Variants in BEND7 observed in about 807,000 individuals in gnomAD.
BEND7 encodes BEN domain-containing protein 7.
In BEND7, 28 loss-of-function variants were observed where a neutral mutation model predicts 50.9. The observed-to-expected ratio is 0.55, with a 90% CI of 0.41 to 0.75. BEND7 has a LOEUF of 0.75. Ranked by LOEUF, BEND7 falls within the 30% of genes least tolerant of loss-of-function variation. BEND7 has a pLI of 0.00. For synonymous variants in BEND7, 170 were observed against 183.9 expected, an observed-to-expected ratio of 0.92 and a Z score of 0.61; for missense variants, 477 against 491.3, an observed-to-expected ratio of 0.97 and a Z score of 0.28.
chr10:13,455,912 C>T (rs7918036), intron 6 of BEND7, among the ~76,000 whole-genome samples: 3,602 of 152,204 alleles, frequency 0.024, 136 homozygotes, highest in African/African-American at 0.082. Flanking sequence ...ACGGCTGCCA[C>T]GCCACAGACA....
chr10:13,488,202 A>G (rs993320150), intron 5 of BEND7, among the ~76,000 whole-genome samples: 6 of 151,972 alleles, frequency 3.9e-5, no homozygotes, highest in African/African-American at 1.4e-4. Context: ...ATTACTGGAG[A>G]CTATTTATAG....
chr10:13,449,167 G>C (rs1214330264), intron 7 of BEND7, among the ~76,000 whole-genome samples: 1 of 152,038 alleles, frequency 6.6e-6, no homozygotes, highest in Admixed American at 6.6e-5. Context: ...ATGGCTTTTA[G>C]AAATTATTTT....
intron 2 of BEND7, among the ~76,000 whole-genome samples, chr10:13,511,571 T>C (rs1029251964): frequency 2.6e-5 from 4 of 152,116 alleles, no homozygotes; most frequent in South Asian, 4.1e-4. Context: ...AGCAGGGAGA[T>C]GCTGGGGTGT....
intron 2 of BEND7, among the ~76,000 whole-genome samples, chr10:13,524,991 C>A (rs7904423): frequency 6.6e-6 from 1 of 152,060 alleles, no homozygotes; most frequent in East Asian, 1.9e-4. Flanking sequence ...GAGATCCTGG[C>A]GAGAGCTTCG....
At chr10:13,470,431 T>C (rs1185081025) in intron 6 of BEND7, among the ~76,000 whole-genome samples, 2 of 152,212 alleles carry the variant, frequency 1.3e-5, no homozygotes, top group African/African-American at 4.8e-5. Flanking sequence ...TTGTCACCCC[T>C]AGTGGTGGTG....
At chr10:13,482,850 A>T (rs1352980466) in intron 5 of BEND7, among the ~76,000 whole-genome samples, 1 of 152,246 alleles carries the variant, frequency 6.6e-6, no homozygotes, top group Non-Finnish European at 1.5e-5. Flanking sequence ...CAGAGGTGGT[A>T]CATACCAGGC....
chr10:13,455,289 G>A (rs1277286191), intron 6 of BEND7, among the ~76,000 whole-genome samples: 2 of 152,126 alleles, frequency 1.3e-5, no homozygotes, highest in East Asian at 1.9e-4. Context: ...GGAACGCCAC[G>A]CTGCCAAGGA....
intron 2 of BEND7, among the ~76,000 whole-genome samples, chr10:13,502,499 A>C (rs1371065175): frequency 1.3e-5 from 2 of 152,218 alleles, no homozygotes; most frequent in African/African-American, 4.8e-5. Flanking sequence ...ATGAACGACC[A>C]AGCGAGATTT....
At chr10:13,497,705 T>C (rs1292197095) in intron 3 of BEND7, among the ~76,000 whole-genome samples, 1 of 152,218 alleles carries the variant, frequency 6.6e-6, no homozygotes, top group East Asian at 1.9e-4. Flanking sequence ...CATTTGGACA[T>C]TGCTCTTACA....
intron 6 of BEND7, among the ~76,000 whole-genome samples, chr10:13,463,363 C>G (rs1187052052): frequency 2.6e-5 from 4 of 152,166 alleles, no homozygotes; most frequent in Admixed American, 6.5e-5. Context: ...GTGCAGAGGG[C>G]ATGACCTATA....
At chr10:13,449,828 A>G (rs544582413) in intron 7 of BEND7, among the ~76,000 whole-genome samples, 40 of 152,384 alleles carry the variant, frequency 2.6e-4, no homozygotes, top group African/African-American at 8.9e-4. Context: ...CGCTAGCTGC[A>G]TGAATAGGGG....
At chr10:13,520,041 G>A (rs182798902) in intron 2 of BEND7, among the ~76,000 whole-genome samples, 129 of 152,286 alleles carry the variant, frequency 8.5e-4, no homozygotes, top group African/African-American at 3.0e-3. Context: ...AGAGAGGAGA[G>A]CGGGGCCTCA....
chr10:13,496,827 T>G lies in BEND7; in HGVS notation c.510A>C (p.Ser170=), dbSNP rs766281842. Residue 170 remains serine (S), a synonymous_variant, in exon 4 of 9, where the codon TCA becomes TCC. Transcript: ENST00000466271. ...GSNCCTCNCQ[S]TLQAILQELK... is the part of the protein sequence containing the mutation. ...GTTCTTGTAGAATGGCCTGCAACGT[T>G]GACTGGCAGTTACAAGTACAGCAGT... 1 of 1,613,302 alleles carries G rather than the reference T, an allele frequency of 6.2e-7. No homozygotes were observed. The highest frequency in any genetic ancestry group is 1.1e-5 in the South Asian group (1 of 91,054).
Position 13,496,861 on chromosome 10 carries a change from G to C in BEND7, c.476C>G (p.Ala159Gly). The change falls in exon 4 of 9, where the codon GCT becomes GGT. Residue 159 changes from alanine (A) to glycine (G), a missense_variant. This residue lies in a region of BEND7 where 396 missense variants were observed against 384.2 expected (regional missense o/e 1.03). Coordinates refer to ENST00000466271, the MANE Select transcript of BEND7 (RefSeq NM_001369863.1). ...GTTACAAGTACAGCAGTTTGATCCA[G>C]CTGATGAATTCACCACTGGAAGTTC... Reference protein sequence around the residue: ...NGELPVVNSSAGSNCCTCNCQ... With the variant: ...NGELPVVNSSGGSNCCTCNCQ... 1 of 1,605,478 alleles carries C rather than the reference G, an allele frequency of 6.2e-7. No homozygotes were observed.
rs1010902916 is a variant in BEND7 at position 13,475,200 on chromosome 10, T to A, written c.1063+5699A>T. ...ACAACAACTAGGTGAGAGTTACAAA[T>A]ACAGCCAAGAGGCAAGCTATATTTC... On this transcript the variant is annotated intron_variant, in intron 6 of 8. Transcript: ENST00000466271. Among the ~76,000 whole-genome samples the A allele has an allele frequency of 1.3e-5, 2 of 152,192 alleles. 1 individual carries two copies. The highest frequency in any genetic ancestry group is 4.1e-4 in the South Asian group (2 of 4,832).
At chr10:13,460,312 C>T (rs942318724) in intron 6 of BEND7, among the ~76,000 whole-genome samples, 2 of 152,120 alleles carry the variant, frequency 1.3e-5, no homozygotes, top group African/African-American at 2.4e-5. Flanking sequence ...CTGTTCCTGC[C>T]CAATTCCACC....
Position 13,499,911 on chromosome 10 carries a change from G to C in BEND7, c.315C>G (p.Ala105=), listed in dbSNP as rs148828275. 529 of 1,614,168 alleles carry C rather than the reference G, an allele frequency of 3.3e-4. 1 individual carries two copies. The highest frequency in any genetic ancestry group is 8.5e-4 in the Admixed American group (51 of 60,030). Residue 105 remains alanine (A), a synonymous_variant, in exon 3 of 9, where the codon GCC becomes GCG. Coordinates refer to ENST00000466271, the MANE Select transcript of BEND7 (RefSeq NM_001369863.1). ...GTGAAGACGGGTGGAGGCTTTGCGG[G>C]GCCTCAGCAGAGGAGTTCAAACGTG... The part of the protein sequence containing the change: ...WPPRLNSSAE[A]PQSLHPSSRG...
At chr10:13,450,973 GC>G (rs1285261041) in intron 7 of BEND7, among the ~76,000 whole-genome samples, 1 of 152,102 alleles carries the variant, frequency 6.6e-6, no homozygotes, top group African/African-American at 2.4e-5. Flanking sequence ...GTGCCTGCTT[GC>G]TGGTGGGACA....
chr10:13,505,878 TTAAG>T (rs1316617753), intron 2 of BEND7, among the ~76,000 whole-genome samples: 3 of 152,094 alleles, frequency 2.0e-5, no homozygotes, highest in Non-Finnish European at 4.4e-5. Context: ...TAAACCTTTC[TTAAG>T]TAATTAAAAA....
Sources: allele counts gnomAD v4.1 joint callset (sites outside exome capture counted in the v4.1 genomes callset), GRCh38; gene constraint gnomAD v4.1.1; regional missense constraint gnomAD v4.1.1; transcripts MANE v1.5; gene names NCBI Gene and HGNC (gene_info 2026-07-23, HGNC 2026-07-21).